The following SLC7A5 variants were observed in gnomAD, a reference collection of about 807,000 sequenced individuals.
SLC7A5 encodes the protein solute carrier family 7 member 5.
A neutral mutation model predicts 50.2 loss-of-function variants in SLC7A5; 23 were observed. The ratio of observed to expected loss-of-function variants is 0.46; its 90% CI spans 0.33 to 0.65. SLC7A5 has a LOEUF of 0.65. Among genes scored for constraint, SLC7A5 ranks in the 30% least tolerant of loss-of-function variants. The pLI is 0.02. For synonymous variants in SLC7A5, 393 were observed against 330.6 expected (o/e 1.19, Z -2.05); for missense variants, 578 against 684.4 (o/e 0.84, Z 1.73).
At chr16:87,866,224 A>C (rs1439261478) in intron 1 of SLC7A5, among the ~76,000 whole-genome samples, 2 of 152,184 alleles carry the variant, frequency 1.3e-5, no homozygotes, top group South Asian at 2.1e-4. Context: ...TTTAAAAAAA[A>C]GGTGGAGAAC....
At chr16:87,834,265 C>G in intron 9 of SLC7A5, 149 bp downstream of exon 9, 1 of 751,064 alleles carries the variant, frequency 1.3e-6, no homozygotes, top group South Asian at 1.5e-5. Flanking sequence ...ATGTGGGCTG[C>G]GTGTCACTGG....
At chr16:87,864,029 C>T (rs963252135) in intron 1 of SLC7A5, among the ~76,000 whole-genome samples, 75 of 87,886 alleles carry the variant, frequency 8.5e-4, no homozygotes, top group African/African-American at 2.3e-3. Flanking sequence ...GGCTGACTCA[C>T]GCCTGTAATC....
rs566388499 is a variant in SLC7A5 at position 87,841,518 on chromosome 16, C to A, written c.665-363G>T. On this transcript the variant is annotated intron_variant, in intron 2 of 9. Transcript: ENST00000261622. The surrounding 1 kb of genome is among the most constrained non-coding windows in gnomAD (Gnocchi z 4.8). The stretch of plus-strand genomic sequence containing the variant: ...AGACCTCACGACATGAGTGTCAAGG[C>A]AGTATAAAGCCAGGAGACCTCGGTT... Among the ~76,000 whole-genome samples the A allele has an allele frequency of 6.6e-6, 1 of 152,292 alleles. No homozygotes were observed. The highest frequency in any genetic ancestry group is 2.1e-4 in the South Asian group (1 of 4,824).
intron 1 of SLC7A5, among the ~76,000 whole-genome samples, chr16:87,856,494 C>T (rs774883627): frequency 4.6e-5 from 7 of 152,166 alleles, no homozygotes; most frequent in East Asian, 3.8e-4. Flanking sequence ...ACAGCTGGCC[C>T]GACACCGGGC....
chr16:87,855,224 C>T (rs755396734), intron 1 of SLC7A5, among the ~76,000 whole-genome samples: 3 of 152,168 alleles, frequency 2.0e-5, no homozygotes, highest in Admixed American at 1.3e-4. Flanking sequence ...AGAGCTGGGG[C>T]GTCCCGGGGA....
At chr16:87,848,189 G>A (rs1253997301) in intron 2 of SLC7A5, among the ~76,000 whole-genome samples, 2 of 152,242 alleles carry the variant, frequency 1.3e-5, no homozygotes, top group Admixed American at 1.3e-4. Flanking sequence ...GGAGGAGAAG[G>A]AAAAGAAAGT....
At chr16:87,856,307 G>A (rs1453374010) in intron 1 of SLC7A5, among the ~76,000 whole-genome samples, 2 of 152,240 alleles carry the variant, frequency 1.3e-5, no homozygotes, top group Middle Eastern at 3.2e-3. Flanking sequence ...CCTGTGAGCT[G>A]TGCAGCTTTA....
Position 87,844,527 on chromosome 16 carries a change from C to T in SLC7A5, c.665-3372G>A, listed in dbSNP as rs150764248. ...GGGACGCCCCCAGTGGCCAAACGCA[C>T]GTGGGAACGGGATCTTCCCCCTCCT... On this transcript the variant is annotated intron_variant, in intron 2 of 9. Coordinates refer to ENST00000261622, the MANE Select transcript of SLC7A5 (RefSeq NM_003486.7). 2.9e-3 allele frequency among the ~76,000 whole-genome samples: 445 copies of T among 152,326 alleles called. 5 individuals are homozygous for T. The highest frequency in any genetic ancestry group is 8.9e-3 in the African/African-American group (371 of 41,578).
rs546385521 is a variant in SLC7A5 at position 87,844,793 on chromosome 16, TCCAACCACTCTGGCC to T, written c.665-3653_665-3639del. On this transcript the variant is annotated intron_variant, in intron 2 of 9. Coordinates refer to ENST00000261622, the MANE Select transcript of SLC7A5 (RefSeq NM_003486.7). Reference sequence around the variant, plus strand: ...TCCACTGTGCTGGGGCCTTCCGCCTTCCAACCACTCTGGCCCCTTGGGGCTCTAGGTGGAGTGTGC... The same window carrying T: ...TCCACTGTGCTGGGGCCTTCCGCCTTCCTTGGGGCTCTAGGTGGAGTGTGC... Among the ~76,000 whole-genome samples, 93 of 152,370 alleles carry T rather than the reference TCCAACCACTCTGGCC, an allele frequency of 6.1e-4. No homozygotes were observed. In the East Asian group the frequency reaches 0.016, roughly 26 times the overall value.
At position 87,857,521 on chromosome 16, in the gene SLC7A5, G is replaced by A. The variant is rs542021652; in HGVS notation, c.539-5672C>T. Among the ~76,000 whole-genome samples the A allele has an allele frequency of 7.9e-5, 12 of 152,324 alleles. No homozygotes were observed. In the South Asian group the frequency reaches 2.5e-3, roughly 32 times the overall value. ...TGGTCTCGAACTCCTGACCTCAGGC[G>A]ATCCGCCCACCTTGGCCTCCCAAAG... is the stretch of plus-strand genomic sequence containing the variant. On this transcript the variant is annotated intron_variant, in intron 1 of 9. Transcript: ENST00000261622.
chr16:87,843,135 G>A (rs1293149268), intron 2 of SLC7A5, among the ~76,000 whole-genome samples: 2 of 152,036 alleles, frequency 1.3e-5, no homozygotes, highest in African/African-American at 2.4e-5. Context: ...GACCACCCCC[G>A]GACTCAGCCT....
At chr16:87,849,547 ATG>A (rs1470249099) in intron 2 of SLC7A5, among the ~76,000 whole-genome samples, 2 of 152,192 alleles carry the variant, frequency 1.3e-5, no homozygotes, top group East Asian at 3.8e-4. Flanking sequence ...TGGCTATCTG[ATG>A]AGCGCAGCCA....
Position 87,836,587 on chromosome 16 carries a change from T to C in SLC7A5, c.1201A>G (p.Ser401Gly). ...KDIFSVINFF[S>G]FFNWLCVALA... Reference sequence around the variant, plus strand: ...GCCACGCAGAGCCAGTTGAAGAAGCTGAAGAAGTTGATGACGGAGAAGATG... The same window carrying C: ...GCCACGCAGAGCCAGTTGAAGAAGCCGAAGAAGTTGATGACGGAGAAGATG... Residue 401 changes from serine (S) to glycine (G), a missense_variant, in exon 8 of 10, where the codon AGC becomes GGC. This residue lies in a region of SLC7A5 where 465 missense variants were observed against 594.6 expected (regional missense o/e 0.78). Coordinates refer to ENST00000261622, the MANE Select transcript of SLC7A5 (RefSeq NM_003486.7). 1 of 1,613,686 alleles carries C rather than the reference T, an allele frequency of 6.2e-7. No individual in the cohort carries two copies. Among genetic ancestry groups the C allele is most frequent in the South Asian group, 1.1e-5 (1 of 91,088 alleles).
At chr16:87,863,986 A>AAAAAAAATATATAT (rs376938738) in intron 1 of SLC7A5, among the ~76,000 whole-genome samples, 44 of 83,278 alleles carry the variant, frequency 5.3e-4, no homozygotes, top group African/African-American at 1.6e-3. Flanking sequence ...ATCATTTAAA[A>AAAAAAAATATATAT]ATATATATAT....
intron 1 of SLC7A5, among the ~76,000 whole-genome samples, chr16:87,866,952 G>A (rs78485319): frequency 3.8e-3 from 552 of 147,156 alleles, no homozygotes; most frequent in Non-Finnish European, 6.4e-3. Flanking sequence ...TTTTTTTTTT[G>A]AGACAGGCTT....
chr16:87,858,358 C>T (rs1354535095), intron 1 of SLC7A5, among the ~76,000 whole-genome samples: 1 of 152,168 alleles, frequency 6.6e-6, no homozygotes, highest in Non-Finnish European at 1.5e-5. Flanking sequence ...AAGCCGTGGG[C>T]ACCAGTGATA....
At chr16:87,849,599 A>T (rs1430747589) in intron 2 of SLC7A5, among the ~76,000 whole-genome samples, 2 of 152,114 alleles carry the variant, frequency 1.3e-5, no homozygotes, top group African/African-American at 4.8e-5. Flanking sequence ...TTCCGTGCCC[A>T]CTTCTGGGAG....
chr16:87,864,973 C>T (rs779917742), intron 1 of SLC7A5, among the ~76,000 whole-genome samples: 3 of 152,136 alleles, frequency 2.0e-5, no homozygotes, highest in Non-Finnish European at 4.4e-5. Context: ...AGCTAATTAC[C>T]GAAGTTATGC....
rs2055374671 is a variant in SLC7A5, at chr16:87,860,265, G to GTC, written c.539-8417_539-8416insGA. Among the ~76,000 whole-genome samples, 1 of 149,928 alleles carries GTC rather than the reference G, an allele frequency of 6.7e-6. No individual in the cohort carries two copies. The highest frequency in any genetic ancestry group is 1.5e-5 in the Non-Finnish European group (1 of 67,550). On this transcript the variant is annotated intron_variant, in intron 1 of 9. Transcript: ENST00000261622. The surrounding 1 kb of genome is among the most constrained non-coding windows in gnomAD (Gnocchi z 4.8). The stretch of plus-strand genomic sequence containing the variant: ...GGAGAATCACTTGAACCCAGGAGGC[G>GTC]GAGGTTGCAGTGAACTGAGATCATA...
Sources: gnomAD v4.1 joint callset for allele counts (sites outside exome capture counted in the v4.1 genomes callset) on GRCh38, gnomAD v4.1.1 for gene constraint, gnomAD v4.1.1 regional missense constraint, Gnocchi (gnomAD v3.1) non-coding constraint, MANE v1.5 for transcripts, NCBI Gene and HGNC (gene_info 2026-07-23, HGNC 2026-07-21) for gene names.